Variants in KANSL2 observed in about 807,000 individuals in gnomAD.
KANSL2 encodes NSL complex protein NSL2.
Under a neutral mutation model 55.6 loss-of-function variants are expected in KANSL2, and 34 were observed. The ratio of observed to expected loss-of-function variants is 0.61; its 90% confidence interval spans 0.46 to 0.81. The LOEUF (loss-of-function observed/expected upper bound fraction) is 0.81, where lower values mean the gene tolerates loss of function less well. Ranked by LOEUF, KANSL2 falls within the 40% of genes least tolerant of loss-of-function variation. KANSL2 has a pLI of 0.00. For missense variants in KANSL2, 502 were observed against 609.9 expected, an observed-to-expected ratio of 0.82 and a Z score of 1.86; for synonymous variants, 209 against 214.3, an observed-to-expected ratio of 0.98 and a Z score of 0.22.
chr12:48,679,833 C>G lies in KANSL2; in HGVS notation c.252G>C (p.Gly84=), dbSNP rs1401324708. Residue 84 remains glycine (G), a splice_region_variant and synonymous_variant, in exon 3 of 10, where the codon GGG becomes GGC. Transcript: ENST00000420613. The part of the protein sequence containing the change: ...NAAPKPEKKD[G]VSFCAEHVRR... Reference sequence around the variant, plus strand: ...GGACATGTTCAGCACAGAAGGACACCCTGAAGAGACAAAACATTAATATTT... The same window carrying G: ...GGACATGTTCAGCACAGAAGGACACGCTGAAGAGACAAAACATTAATATTT... The G allele has an allele frequency of 6.3e-7, 1 of 1,591,452 alleles. No individual in the cohort carries two copies. The highest frequency in any genetic ancestry group is 1.3e-5 in the African/African-American group (1 of 74,278).
chr12:48,654,397 A>C, intron 9 of KANSL2: 1 of 760,254 alleles, frequency 1.3e-6, no homozygotes, highest in Non-Finnish European at 2.5e-6. Context: ...TTTCTTCCAA[A>C]TGAAATAGCC....
In KANSL2 at chr12:48,669,262, G is replaced by A. The variant is rs1415164447; in HGVS notation, c.720C>T (p.Leu240=). 1.3e-6 allele frequency: 2 copies of A among 1,569,320 alleles called. No homozygotes were observed. The highest frequency in any genetic ancestry group is 1.9e-5 in the Admixed American group (1 of 52,726). ...KVEHEALGSS[L]LTGPEGLLAK... ...CCAAAAGTCCCTCTGGGCCAGTCAG[G>A]AGACTACTGCCTAGAGTTACAAGAG... The change falls in exon 6 of 10, where the codon CTC becomes CTT. Residue 240 remains leucine, a synonymous_variant. Transcript: ENST00000420613.
rs1202314893 is a variant in KANSL2, at chr12:48,682,226, G to A, written c.-49C>T. ...TGCGCCGCACTCTGCCGCGCCGCTC[G>A]CCCTTCTCTAGTGGCGCCAGCGGCT... On this transcript the variant is annotated 5_prime_UTR_variant, in exon 1 of 10. Coordinates refer to ENST00000420613, the MANE Select transcript of KANSL2 (RefSeq NM_017822.4). 6.3e-6 allele frequency: 4 copies of A among 635,784 alleles called. No homozygotes were observed. The highest frequency in any genetic ancestry group is 1.1e-5 in the Non-Finnish European group (4 of 353,176). 39.4% of individuals were successfully genotyped at this position (635,784 alleles called of 1,614,324 possible). A position where few individuals can be genotyped will look rare whatever the true frequency, so the allele number is the denominator to read the frequency against.
chr12:48,656,591 C>A (rs1027680014), intron 8 of KANSL2: 1 of 389,660 alleles, frequency 2.6e-6, no homozygotes, highest in Non-Finnish European at 5.0e-6. Flanking sequence ...GTTCTTAAGC[C>A]TAACATAGTT....
rs1355698252 is a variant in KANSL2, at chr12:48,682,206, C to A, written c.-29G>T. 7.6e-6 allele frequency: 5 copies of A among 659,244 alleles called. No homozygotes were observed. In the East Asian group the frequency reaches 1.1e-4, roughly 14 times the overall value. The allele number at this position is 659,244 out of a possible 1,614,324, so 40.8% of individuals were successfully genotyped here. ...TCTTACCTCAGGAGCTGCGCTGCGC[C>A]GCACTCTGCCGCGCCGCTCGCCCTT... On this transcript the variant is annotated 5_prime_UTR_variant, in exon 1 of 10. Transcript: ENST00000420613.
intron 7 of KANSL2, chr12:48,662,783 A>AAGC: frequency 2.2e-6 from 1 of 464,402 alleles, no homozygotes; most frequent in South Asian, 2.9e-5. Flanking sequence ...TTATATTTAT[A>AAGC]TTTTAATAAG....
chr12:48,669,241 A>G lies in KANSL2; in HGVS notation c.741T>C (p.Leu247=). ...GSSLLTGPEG[L]LAKERENLKR... is the part of the protein sequence containing the mutation. ...TTAAGTTCTCTCGTTCTTTGGCCAA[A>G]AGTCCCTCTGGGCCAGTCAGGAGAC... The change falls in exon 6 of 10, where the codon CTT becomes CTC. Residue 247 remains leucine, a synonymous_variant. Transcript: ENST00000420613. 5.7e-6 allele frequency: 9 copies of G among 1,575,612 alleles called. No individual in the cohort carries two copies. The highest frequency in any genetic ancestry group is 6.9e-6 in the Non-Finnish European group (8 of 1,159,572).
intron 8 of KANSL2, 131 bp from the exon 9 acceptor site, chr12:48,655,191 A>AT (rs1939353816): frequency 3.6e-6 from 3 of 828,880 alleles, no homozygotes; most frequent in Non-Finnish European, 5.5e-6. Context: ...TAAAAAAAAA[A>AT]TTTTACAAGA....
intron 8 of KANSL2, among the ~76,000 whole-genome samples, chr12:48,656,019 G>T (rs1198466720): frequency 6.6e-6 from 1 of 152,164 alleles, no homozygotes; most frequent in Non-Finnish European, 1.5e-5. Flanking sequence ...TACCTGTAAT[G>T]AACATGTAAG....
intron 7 of KANSL2, among the ~76,000 whole-genome samples, chr12:48,666,149 G>C (rs543302367): frequency 6.6e-6 from 1 of 152,058 alleles, no homozygotes; most frequent in Non-Finnish European, 1.5e-5. Context: ...AGCAGATCAC[G>C]GCAGTAAGCC....
chr12:48,660,657 A>G, intron 7 of KANSL2, 38 bp from the exon 8 acceptor site: 2 of 1,586,214 alleles, frequency 1.3e-6, no homozygotes, highest in South Asian at 1.1e-5. Context: ...AACACAATCT[A>G]TCGAAAGCAT....
intron 8 of KANSL2, among the ~76,000 whole-genome samples, 187 bp from the exon 9 acceptor site, chr12:48,655,247 C>A (rs1426591929): frequency 6.6e-6 from 1 of 152,140 alleles, no homozygotes. Context: ...AGAGCTTTTG[C>A]TGCCAAGTGT....
intron 7 of KANSL2, among the ~76,000 whole-genome samples, chr12:48,666,135 G>C (rs1939593926): frequency 6.6e-6 from 1 of 152,048 alleles, no homozygotes; most frequent in Non-Finnish European, 1.5e-5. Flanking sequence ...GATCGTTTAA[G>C]CCCAGCAGAT....
intron 8 of KANSL2, among the ~76,000 whole-genome samples, chr12:48,657,958 C>T (rs1939419474): frequency 1.3e-5 from 2 of 151,084 alleles, no homozygotes; most frequent in Admixed American, 6.6e-5. Flanking sequence ...GGAATGGGCA[C>T]GGTGGCTCAC....
At position 48,667,681 on chromosome 12, in the gene KANSL2, G is replaced by A. The variant is rs760937036; in HGVS notation, c.973+12C>T. ...GCAAACCACAGCCTTAACAGGCAGA[G>A]TAAAAAGATACGGGTAAGGCAGTGT... On this transcript the variant is annotated intron_variant, in intron 7 of 9. Coordinates refer to ENST00000420613, the MANE Select transcript of KANSL2 (RefSeq NM_017822.4). 1.3e-5 allele frequency: 21 copies of A among 1,593,720 alleles called. No homozygotes were observed. The highest frequency in any genetic ancestry group is 1.6e-5 in the Non-Finnish European group (19 of 1,161,502).
chr12:48,673,141 C>G lies in KANSL2; in HGVS notation c.546-1179G>C, dbSNP rs144077325. On this transcript the variant is annotated intron_variant, in intron 4 of 9. Transcript: ENST00000420613. ...AATAACTAGTCAAAATGGGCTATAC[C>G]CTGTCCTCAGCTAATTTTCTTGACA... 3.5e-3 allele frequency among the ~76,000 whole-genome samples: 537 copies of G among 152,230 alleles called. 8 individuals carry two copies. The highest frequency in any genetic ancestry group is 0.012 in the African/African-American group (504 of 41,546).
At chr12:48,680,955 G>A (rs1402157547) in intron 2 of KANSL2, among the ~76,000 whole-genome samples, 1 of 150,808 alleles carries the variant, frequency 6.6e-6, no homozygotes, top group Non-Finnish European at 1.5e-5. Context: ...GGGGAATAAA[G>A]CAAGAATCTG....
At position 48,681,572 on chromosome 12, in the gene KANSL2, T is replaced by G; in HGVS notation, c.61A>C (p.Arg21=). ...TNRGRITPVP[R]SQEPLSCAFT... is the part of the protein sequence containing the mutation. The stretch of plus-strand genomic sequence containing the variant: ...GCACAAGACAGAGGTTCCTGAGACC[T>G]GGGCACTGGAGTGATCCTCCCCCGA... The change falls in exon 2 of 10, where the codon AGG becomes CGG. Residue 21 remains arginine, a synonymous_variant. Coordinates refer to ENST00000420613, the MANE Select transcript of KANSL2 (RefSeq NM_017822.4). 1 of 1,614,008 alleles carries G rather than the reference T, an allele frequency of 6.2e-7. No homozygotes were observed. Among genetic ancestry groups the G allele is most frequent in the Non-Finnish European group, 8.5e-7 (1 of 1,179,894 alleles).
Position 48,656,137 on chromosome 12 carries a change from C to A in KANSL2, c.1228-1077G>T, listed in dbSNP as rs143578043. ...TCCTAACAGCCACAAAGCAAGCAAA[C>A]AAGCTCCAACAAGGGAAAGGGAGAA... is the stretch of plus-strand genomic sequence containing the variant. On this transcript the variant is annotated intron_variant, in intron 8 of 9. Transcript: ENST00000420613. Among the ~76,000 whole-genome samples the A allele has an allele frequency of 1.7e-4, 26 of 152,176 alleles. No homozygotes were observed. The East Asian group carries it at 4.8e-3, about 28-fold the overall frequency.
Sources: gnomAD v4.1 joint callset for allele counts (sites outside exome capture counted in the v4.1 genomes callset) on GRCh38, gnomAD v4.1.1 for gene constraint, MANE v1.5 for transcripts, NCBI Gene and HGNC (gene_info 2026-07-23, HGNC 2026-07-21) for gene names.